The following FAM216A variants were observed in gnomAD, a reference collection of about 807,000 sequenced individuals.
FAM216A encodes the protein family with sequence similarity 216 member A.
A neutral mutation model predicts 37.6 loss-of-function variants in FAM216A; 26 were observed. The ratio of observed to expected loss-of-function variants is 0.69; its 90% CI spans 0.51 to 0.96. The LOEUF (loss-of-function observed/expected upper bound fraction) is 0.96. FAM216A is among the 40% of genes least tolerant of loss of function. The probability of loss-of-function intolerance (pLI) is 0.00; values close to 1 mark genes in which losing one functional copy is unlikely to be tolerated. For missense variants in FAM216A, 326 were observed against 339.3 expected, an observed-to-expected ratio of 0.96 and a Z score of 0.31; for synonymous variants, 110 against 121.7, an observed-to-expected ratio of 0.90 and a Z score of 0.64.
At chr12:110,471,367 C>T (rs1392617789) in intron 1 of FAM216A, among the ~76,000 whole-genome samples, 2 of 152,158 alleles carry the variant, frequency 1.3e-5, no homozygotes, top group African/African-American at 2.4e-5. Flanking sequence ...GGATTACAGG[C>T]GGGAGCTACC....
upstream of FAM216A, chr12:110,468,515 C>A: frequency 6.5e-7 from 1 of 1,537,308 alleles, no homozygotes; most frequent in South Asian, 1.2e-5. Flanking sequence ...ATCCTTGCGC[C>A]ACGTGCTTCG....
intron 3 of FAM216A, among the ~76,000 whole-genome samples, chr12:110,485,892 A>T (rs931242327): frequency 6.6e-6 from 1 of 152,210 alleles, no homozygotes; most frequent in South Asian, 2.1e-4. Context: ...CAGAATGTCC[A>T]ACACAGTCAG....
intron 1 of FAM216A, among the ~76,000 whole-genome samples, chr12:110,472,007 G>A (rs545092120): frequency 1.3e-5 from 2 of 152,026 alleles, no homozygotes; most frequent in South Asian, 2.1e-4. Flanking sequence ...TGAGGCGGGC[G>A]AATCAGTTGA....
At chr12:110,482,299 G>C (rs945348699) in intron 2 of FAM216A, among the ~76,000 whole-genome samples, 1 of 151,802 alleles carries the variant, frequency 6.6e-6, no homozygotes, top group African/African-American at 2.4e-5. Flanking sequence ...GGCCAGGCTG[G>C]TCTCCTGACC....
chr12:110,487,681 T>C, intron 5 of FAM216A, 180 bp from the exon 6 acceptor site: 1 of 593,432 alleles, frequency 1.7e-6, no homozygotes, highest in Non-Finnish European at 3.0e-6. Flanking sequence ...GCATGAGTAT[T>C]GAAATTGCAC....
chr12:110,475,398 T>A (rs1299251726), intron 2 of FAM216A, among the ~76,000 whole-genome samples: 1 of 151,782 alleles, frequency 6.6e-6, no homozygotes, highest in African/African-American at 2.4e-5. Flanking sequence ...CACGCCACCA[T>A]GCCTGGCTGA....
intron 2 of FAM216A, among the ~76,000 whole-genome samples, chr12:110,480,579 G>A (rs2135549422): frequency 6.6e-6 from 1 of 151,794 alleles, no homozygotes; most frequent in Admixed American, 6.6e-5. Context: ...GCCTCCCAAA[G>A]TGCTGGGATG....
At chr12:110,474,730 C>T (rs547721258) in intron 2 of FAM216A, among the ~76,000 whole-genome samples, 1 of 144,176 alleles carries the variant, frequency 6.9e-6, no homozygotes, top group Non-Finnish European at 1.5e-5. Flanking sequence ...TGCTGGGCGC[C>T]GTGGCTCACG....
chr12:110,485,459 C>T (rs932547786), intron 3 of FAM216A, among the ~76,000 whole-genome samples: 3 of 151,594 alleles, frequency 2.0e-5, no homozygotes, highest in African/African-American at 7.3e-5. Flanking sequence ...GCTTAATGCC[C>T]CAACCACAGA....
chr12:110,474,523 C>T (rs2062704656), intron 2 of FAM216A, among the ~76,000 whole-genome samples: 1 of 151,514 alleles, frequency 6.6e-6, no homozygotes, highest in Non-Finnish European at 1.5e-5. Flanking sequence ...AACCCCGTCT[C>T]TGCTAAATAT....
At chr12:110,480,257 G>A (rs77311579) in intron 2 of FAM216A, among the ~76,000 whole-genome samples, 2 of 132,696 alleles carry the variant, frequency 1.5e-5, no homozygotes, top group Admixed American at 1.8e-4. Flanking sequence ...AGTCCGGAGT[G>A]CAGTGGCACG....
intron 1 of FAM216A, among the ~76,000 whole-genome samples, chr12:110,472,474 G>A (rs73191812): frequency 0.11 from 17,152 of 151,792 alleles, 1,186 homozygotes; most frequent in African/African-American, 0.2. Context: ...GCTGAGGATC[G>A]TTTGAGCCCA....
chr12:110,472,244 G>GAA (rs559243637), intron 1 of FAM216A, among the ~76,000 whole-genome samples: 1 of 125,662 alleles, frequency 8.0e-6, no homozygotes, highest in Non-Finnish European at 1.8e-5. Context: ...AAAGAAAAAA[G>GAA]AAAAAAAAAA....
At chr12:110,474,892 C>T (rs2062706810) in intron 2 of FAM216A, among the ~76,000 whole-genome samples, 1 of 151,192 alleles carries the variant, frequency 6.6e-6, no homozygotes, top group Admixed American at 6.6e-5. Flanking sequence ...CCCAGCTACT[C>T]CAGGCAGGAG....
In FAM216A at chr12:110,473,184, G is replaced by A. The variant is rs1161978158; in HGVS notation, c.184+66G>A. 4.9e-6 allele frequency: 4 copies of A among 822,310 alleles called. No homozygotes were observed. In the South Asian group the frequency reaches 5.4e-5, roughly 11 times the overall value. 50.9% of individuals were successfully genotyped at this position (822,310 alleles called of 1,614,324 possible). A position where few individuals can be genotyped will look rare whatever the true frequency, so the allele number is the denominator to read the frequency against. ...ATGGTTCTGAGAAGCCTATTTGTCT[G>A]TAACTACTTACACAATAGAGTTTTT... On this transcript the variant is annotated intron_variant, in intron 2 of 6. Coordinates refer to ENST00000377673, the MANE Select transcript of FAM216A (RefSeq NM_013300.3).
upstream of FAM216A, chr12:110,468,485 G>A (rs2062654257): frequency 6.5e-7 from 1 of 1,537,236 alleles, no homozygotes; most frequent in Admixed American, 2.0e-5. Context: ...AGTAATAACG[G>A]ACAACAGATA....
intron 3 of FAM216A, among the ~76,000 whole-genome samples, chr12:110,486,041 T>C (rs1322603349): frequency 6.6e-6 from 1 of 152,190 alleles, no homozygotes. Context: ...GCACAGCAAG[T>C]AACACTTGAC....
In FAM216A at chr12:110,487,951, T is replaced by C. The variant is rs764696129; in HGVS notation, c.703+8T>C. ...AACTGTTCATGCAAACAGGTAAATG[T>C]GGAAATTTAACAATATTCATTTTTT... On this transcript the variant is annotated splice_region_variant and intron_variant, in intron 6 of 6. Transcript: ENST00000377673. The C allele has an allele frequency of 2.2e-5, 33 of 1,531,666 alleles. No homozygotes were observed. The highest frequency in any genetic ancestry group is 1.8e-4 in the Middle Eastern group (1 of 5,706). The allele number at this position is 1,531,666 out of a possible 1,614,324, so 94.9% of individuals were successfully genotyped here. A position where few individuals can be genotyped will look rare whatever the true frequency, so the allele number is the denominator to read the frequency against.
At chr12:110,488,113 T>A (rs1232738142) in intron 6 of FAM216A, among the ~76,000 whole-genome samples, 170 bp downstream of exon 6, 1 of 152,006 alleles carries the variant, frequency 6.6e-6, no homozygotes, top group Non-Finnish European at 1.5e-5. Context: ...TGCTTGCAAT[T>A]AAAAGAACAT....
Sources: allele counts gnomAD v4.1 joint callset (sites outside exome capture counted in the v4.1 genomes callset), GRCh38; gene constraint gnomAD v4.1.1; transcripts MANE v1.5; gene names NCBI Gene and HGNC (gene_info 2026-07-23, HGNC 2026-07-21).